The following MYH10 variants were observed in gnomAD, a reference collection of about 807,000 sequenced individuals.
MYH10 encodes myosin-10.
In MYH10, 55 loss-of-function variants were observed where a neutral mutation model predicts 257.8. That is an observed-to-expected ratio of 0.21 (90% CI 0.17 to 0.27). The LOEUF (loss-of-function observed/expected upper bound fraction) is 0.27, where lower values mean the gene tolerates loss of function less well. Among genes scored for constraint, MYH10 ranks in the 10% least tolerant of loss-of-function variants. The pLI, the probability that MYH10 is intolerant of heterozygous loss-of-function variation, is 1.00. For missense variants in MYH10, 1,631 were observed against 2,500.6 expected (o/e 0.65, Z 7.42); for synonymous variants, 854 against 921.7 (o/e 0.93, Z 1.33).
At chr17:8,626,576 A>AT (rs2085684980) in intron 1 of MYH10, among the ~76,000 whole-genome samples, 2 of 94,556 alleles carry the variant, frequency 2.1e-5, no homozygotes, top group African/African-American at 8.5e-5. Context: ...CAAAATAATA[A>AT]TAAATAATAA....
At chr17:8,589,016 C>T (rs1330869132) in intron 4 of MYH10, 65 bp downstream of exon 4, 1 of 1,523,944 alleles carries the variant, frequency 6.6e-7, no homozygotes, top group African/African-American at 1.4e-5. Context: ...TCCCCCCAGA[C>T]AAAAATAGTT....
intron 28 of MYH10, among the ~76,000 whole-genome samples, 190 bp from the exon 29 acceptor site, chr17:8,501,160 A>G (rs1156746582): frequency 2.0e-5 from 3 of 152,118 alleles, no homozygotes; most frequent in Non-Finnish European, 4.4e-5. Context: ...AGAGCTGAGT[A>G]GTGGTTCATG....
intron 4 of MYH10, among the ~76,000 whole-genome samples, chr17:8,577,807 C>T (rs1597876189): frequency 6.6e-6 from 1 of 152,040 alleles, no homozygotes; most frequent in Non-Finnish European, 1.5e-5. Flanking sequence ...ACTGGGATTA[C>T]GGGCCTGAGC....
intron 11 of MYH10, among the ~76,000 whole-genome samples, chr17:8,547,573 G>T (rs962008621): frequency 1.3e-5 from 2 of 151,694 alleles, no homozygotes; most frequent in Non-Finnish European, 2.9e-5. Context: ...GGCAGATAAT[G>T]TGACTTTATG....
chr17:8,606,485 T>C (rs2084812911), intron 2 of MYH10, among the ~76,000 whole-genome samples: 1 of 152,170 alleles, frequency 6.6e-6, no homozygotes, highest in Non-Finnish European at 1.5e-5. Flanking sequence ...TATGGCCAGC[T>C]TCCCCAGGGA....
intron 2 of MYH10, among the ~76,000 whole-genome samples, chr17:8,611,931 T>A (rs978597845): frequency 1.3e-5 from 2 of 152,130 alleles, no homozygotes; most frequent in African/African-American, 4.8e-5. Context: ...CTGAATGCAG[T>A]AGTGCCCCTT....
At chr17:8,584,480 T>TAC (rs1470516711) in intron 4 of MYH10, among the ~76,000 whole-genome samples, 12 of 152,214 alleles carry the variant, frequency 7.9e-5, no homozygotes, top group African/African-American at 2.2e-4. Flanking sequence ...AGTGGGCTGA[T>TAC]ACAAAGCTGT....
At chr17:8,576,765 T>C (rs2083512576) in intron 5 of MYH10, 93 bp from the exon 6 acceptor site, 2 of 1,241,082 alleles carry the variant, frequency 1.6e-6, no homozygotes, top group South Asian at 1.3e-5. Context: ...CAATGTGCAG[T>C]TGAGAACTGT....
At chr17:8,554,981 G>C (rs2151969577) in intron 7 of MYH10, among the ~76,000 whole-genome samples, 1 of 151,298 alleles carries the variant, frequency 6.6e-6, no homozygotes, top group East Asian at 1.9e-4. Context: ...ATATGGTATG[G>C]TTATATCTTA....
chr17:8,591,893 C>T (rs187544348), intron 3 of MYH10, among the ~76,000 whole-genome samples: 242 of 152,290 alleles, frequency 1.6e-3, no homozygotes, highest in Non-Finnish European at 2.8e-3. Flanking sequence ...ATAGGCTTGC[C>T]AACCTCCCAG....
At chr17:8,613,208 C>T (rs775756321) in intron 2 of MYH10, among the ~76,000 whole-genome samples, 6 of 152,092 alleles carry the variant, frequency 3.9e-5, no homozygotes, top group Admixed American at 2.0e-4. Context: ...AAGAAAACAA[C>T]CGCCGGCTCT....
intron 7 of MYH10, chr17:8,560,483 T>C: frequency 4.0e-6 from 2 of 501,654 alleles, no homozygotes; most frequent in South Asian, 3.3e-5. Context: ...TCAACGCCAC[T>C]GTGTTCTTTT....
At chr17:8,488,765 C>G (rs568592949) in intron 35 of MYH10, among the ~76,000 whole-genome samples, 66 of 152,188 alleles carry the variant, frequency 4.3e-4, no homozygotes, top group African/African-American at 1.5e-3. Context: ...AGGGCAGCTG[C>G]TTCCGCATAG....
At chr17:8,574,924 G>A (rs1188279248) in intron 6 of MYH10, among the ~76,000 whole-genome samples, 2 of 152,208 alleles carry the variant, frequency 1.3e-5, no homozygotes, top group Non-Finnish European at 2.9e-5. Flanking sequence ...GTGCTGTTAA[G>A]TATTTCACGT....
At chr17:8,555,039 G>C (rs548488053) in intron 7 of MYH10, among the ~76,000 whole-genome samples, 1 of 151,622 alleles carries the variant, frequency 6.6e-6, no homozygotes, top group East Asian at 1.9e-4. Context: ...GGGAGGCGGA[G>C]GTTGCAGTGA....
intron 7 of MYH10, among the ~76,000 whole-genome samples, chr17:8,556,689 G>T (rs1170771079): frequency 2.0e-5 from 3 of 152,136 alleles, no homozygotes; most frequent in Non-Finnish European, 4.4e-5. Flanking sequence ...TCTAGAGCAT[G>T]GTGCTCACTA....
At chr17:8,571,214 G>GC (rs2083328497) in intron 6 of MYH10, among the ~76,000 whole-genome samples, 2 of 139,594 alleles carry the variant, frequency 1.4e-5, no homozygotes, top group African/African-American at 5.4e-5. Context: ...TCACTCTGTC[G>GC]CCCAGGCTGG....
chr17:8,506,342 T>A lies in MYH10; in HGVS notation c.3362A>T (p.Glu1121Val). ...CCTGGCCAGTGCGCCCTGCAGCTCCTCCTCCTTCTTGGCCAGCTGCAGCTT... is the reference window on the plus strand; with the variant it reads ...CCTGGCCAGTGCGCCCTGCAGCTCCACCTCCTTCTTGGCCAGCTGCAGCTT... ...ELKLQLAKKE[E>V]ELQGALARGD... is the part of the protein sequence containing the mutation. The change falls in exon 27 of 43, where the codon GAG becomes GTG. Residue 1121 changes from glutamate (E) to valine (V), a missense_variant. This residue lies in a region of MYH10 where 169 missense variants were observed against 249.8 expected (regional missense o/e 0.68). Transcript: ENST00000360416. The surrounding 1 kb of genome is among the most constrained non-coding windows in gnomAD (Gnocchi z 5.0). 6.2e-7 allele frequency: 1 copy of A among 1,605,038 alleles called. No individual in the cohort carries two copies. The highest frequency in any genetic ancestry group is 8.5e-7 in the Non-Finnish European group (1 of 1,177,318).
chr17:8,511,100 C>G (rs1005656286), intron 24 of MYH10: 1 of 140,712 alleles, frequency 7.1e-6, no homozygotes, highest in African/African-American at 2.7e-5. Context: ...TTAATATATA[C>G]GCATAAAAAT....
Sources: allele counts gnomAD v4.1 joint callset (sites outside exome capture counted in the v4.1 genomes callset), GRCh38; gene constraint gnomAD v4.1.1; regional missense constraint gnomAD v4.1.1; non-coding constraint Gnocchi (gnomAD v3.1); transcripts MANE v1.5; gene names NCBI Gene and HGNC (gene_info 2026-07-23, HGNC 2026-07-21).